RFX3: variants seen among roughly 807,000 people sequenced by gnomAD.
RFX3 encodes the protein transcription factor RFX3.
Under a neutral mutation model 98.6 loss-of-function variants are expected in RFX3, and 14 were observed. The ratio of observed to expected loss-of-function variants is 0.14; its 90% confidence interval spans 0.09 to 0.22. The LOEUF (loss-of-function observed/expected upper bound fraction) is 0.22. Among genes scored for constraint, RFX3 ranks in the 10% least tolerant of loss-of-function variants. The pLI is 1.00. For missense variants in RFX3, 639 were observed against 926.9 expected, an observed-to-expected ratio of 0.69 and a Z score of 4.03; for synonymous variants, 383 against 328.4, an observed-to-expected ratio of 1.17 and a Z score of -1.80.
At chr9:3,448,154 C>G (rs1049794655) in intron 1 of RFX3, among the ~76,000 whole-genome samples, 2 of 149,980 alleles carry the variant, frequency 1.3e-5, no homozygotes, top group African/African-American at 5.0e-5. Context: ...TAAACATAAA[C>G]ACATGATTTA....
At chr9:3,274,092 T>C (rs896304479) in intron 9 of RFX3, among the ~76,000 whole-genome samples, 2 of 152,176 alleles carry the variant, frequency 1.3e-5, no homozygotes, top group Admixed American at 6.6e-5. Context: ...AGTGCTTTCA[T>C]CATTCCAAGG....
chr9:3,434,209 T>C (rs1214629358), intron 1 of RFX3, among the ~76,000 whole-genome samples: 1 of 152,164 alleles, frequency 6.6e-6, no homozygotes, highest in African/African-American at 2.4e-5. Flanking sequence ...AATTATTTAC[T>C]ATCTGGCCTG....
intron 2 of RFX3, 114 bp from the exon 3 acceptor site, chr9:3,346,878 G>C: frequency 1.4e-6 from 1 of 693,310 alleles, no homozygotes; most frequent in Admixed American, 2.3e-5. Flanking sequence ...GAGAAAGACT[G>C]ATAAGAAAAA....
intron 15 of RFX3, chr9:3,247,589 C>G (rs971611276): frequency 3.2e-6 from 4 of 1,254,800 alleles, no homozygotes; most frequent in Non-Finnish European, 4.0e-6. Context: ...TAGTTATCAT[C>G]ATTACCATTT....
intron 1 of RFX3, among the ~76,000 whole-genome samples, chr9:3,505,981 T>C (rs1007098061): frequency 3.3e-5 from 5 of 151,870 alleles, no homozygotes; most frequent in African/African-American, 1.2e-4. Context: ...CCCTACTTTA[T>C]GTGCCAATAT....
intron 15 of RFX3, among the ~76,000 whole-genome samples, chr9:3,239,401 G>T (rs576500059): frequency 6.6e-6 from 1 of 152,200 alleles, no homozygotes; most frequent in Admixed American, 6.5e-5. Flanking sequence ...TGCTCCACAC[G>T]TGGGCAAATC....
At chr9:3,309,418 A>G (rs943883221) in intron 4 of RFX3, among the ~76,000 whole-genome samples, 2 of 152,122 alleles carry the variant, frequency 1.3e-5, no homozygotes, top group African/African-American at 2.4e-5. Context: ...AACTTCCCCA[A>G]TCACCAAGAT....
chr9:3,316,553 G>A (rs1401718171), intron 4 of RFX3, among the ~76,000 whole-genome samples: 1 of 152,172 alleles, frequency 6.6e-6, no homozygotes, highest in East Asian at 1.9e-4. Flanking sequence ...AAGAAATAAA[G>A]AGTATTCAAT....
chr9:3,256,160 C>T (rs1053477678), intron 14 of RFX3, among the ~76,000 whole-genome samples: 7 of 151,998 alleles, frequency 4.6e-5, no homozygotes, highest in African/African-American at 7.2e-5. Context: ...TTAGTAGAGA[C>T]GGGGTTTTAC....
intron 5 of RFX3, among the ~76,000 whole-genome samples, chr9:3,293,584 G>T (rs760666769): frequency 1.3e-5 from 2 of 152,028 alleles, no homozygotes; most frequent in African/African-American, 4.8e-5. Context: ...CCCGTTAACT[G>T]GTCATAAATA....
At chr9:3,504,879 T>TTATATATAATATAACATATATTATATATA (rs1816670227) in intron 1 of RFX3, among the ~76,000 whole-genome samples, 1 of 53,188 alleles carries the variant, frequency 1.9e-5, no homozygotes, top group Non-Finnish European at 3.0e-5. Context: ...ATTATATATA[T>TTATATATAATATAACATATATTATATATA]TATATATAAT....
intron 1 of RFX3, among the ~76,000 whole-genome samples, chr9:3,402,273 T>C (rs1841549966): frequency 6.6e-6 from 1 of 152,166 alleles, no homozygotes. Context: ...ACACTTACTG[T>C]ATTATTTTTA....
chr9:3,247,749 C>G (rs1467491489), intron 15 of RFX3: 7 of 1,556,214 alleles, frequency 4.5e-6, no homozygotes, highest in Non-Finnish European at 6.1e-6. Flanking sequence ...TTTTCATATT[C>G]CAGTGGTTCT....
At chr9:3,393,874 G>C (rs560222403) in intron 2 of RFX3, among the ~76,000 whole-genome samples, 45 of 152,180 alleles carry the variant, frequency 3.0e-4, no homozygotes, top group African/African-American at 1.1e-3. Flanking sequence ...TACCTATTGG[G>C]TACAATGTTC....
Position 3,364,423 on chromosome 9 carries a change from A to C in RFX3, c.118-17659T>G. 2 of 240,794 alleles carry C rather than the reference A, an allele frequency of 8.3e-6. 1 individual carries two copies. The allele number at this position is 240,794 out of a possible 1,614,324, so 14.9% of individuals were successfully genotyped here. ...ATGGGCGGTCTTTTTCTTCATTCCA[A>C]CTCCTGAAGAAGTTAATTTGAAGGG... On this transcript the variant is annotated intron_variant, in intron 2 of 16. Coordinates refer to ENST00000617270, the MANE Select transcript of RFX3 (RefSeq NM_001282116.2).
intron 2 of RFX3, among the ~76,000 whole-genome samples, chr9:3,349,591 C>T (rs901168111): frequency 6.6e-6 from 1 of 152,024 alleles, no homozygotes; most frequent in Non-Finnish European, 1.5e-5. Flanking sequence ...CCCCACACCC[C>T]CAACAGGTAA....
intron 4 of RFX3, among the ~76,000 whole-genome samples, chr9:3,325,753 C>T (rs956735671): frequency 6.6e-6 from 1 of 152,012 alleles, no homozygotes; most frequent in African/African-American, 2.4e-5. Flanking sequence ...AAATCACTAA[C>T]TACATTCACA....
intron 4 of RFX3, among the ~76,000 whole-genome samples, chr9:3,327,881 T>C (rs1208156424): frequency 1.4e-5 from 2 of 144,592 alleles, no homozygotes; most frequent in Non-Finnish European, 3.0e-5. Flanking sequence ...AGAAAGTGTA[T>C]ACCTTATCAA....
At chr9:3,343,262 C>T (rs1467510755) in intron 3 of RFX3, among the ~76,000 whole-genome samples, 1 of 152,100 alleles carries the variant, frequency 6.6e-6, no homozygotes, top group Non-Finnish European at 1.5e-5. Context: ...GGTTGTAGGG[C>T]CATGTACTGG....
Sources: allele counts gnomAD v4.1 joint callset (sites outside exome capture counted in the v4.1 genomes callset), GRCh38; gene constraint gnomAD v4.1.1; transcripts MANE v1.5; gene names NCBI Gene and HGNC (gene_info 2026-07-23, HGNC 2026-07-21).